Variants in CADM2 observed in about 807,000 individuals in gnomAD.
The protein encoded by CADM2 is immunoglobulin superfamily member 4D.
Under a neutral mutation model 49.8 loss-of-function variants are expected in CADM2, and 12 were observed. The observed-to-expected ratio is 0.24, with a 90% CI of 0.15 to 0.39. The LOEUF is 0.39. Ranked by LOEUF, CADM2 falls within the 10% of genes least tolerant of loss-of-function variation. CADM2 has a pLI of 1.00. For synonymous variants in CADM2, 214 were observed against 175.4 expected, an observed-to-expected ratio of 1.22 and a Z score of -1.74; for missense variants, 378 against 492.3, an observed-to-expected ratio of 0.77 and a Z score of 2.20.
At chr3:85,569,257 G>A (rs1056342723) in intron 1 of CADM2, among the ~76,000 whole-genome samples, 2 of 152,064 alleles carry the variant, frequency 1.3e-5, no homozygotes, top group African/African-American at 4.8e-5. Context: ...TGAGACGCAT[G>A]TAAATTGTTG....
intron 1 of CADM2, among the ~76,000 whole-genome samples, chr3:85,167,096 C>T (rs1390524270): frequency 2.6e-5 from 4 of 151,916 alleles, no homozygotes; most frequent in African/African-American, 9.7e-5. Flanking sequence ...ATATTTGGGA[C>T]TGTGAATTAA....
intron 1 of CADM2, among the ~76,000 whole-genome samples, chr3:85,085,596 G>A (rs1276180221): frequency 1.3e-5 from 2 of 152,002 alleles, no homozygotes; most frequent in African/African-American, 4.8e-5. Flanking sequence ...AAAAGAAGAC[G>A]TGCTACTTTG....
At chr3:85,971,421 C>G (rs562114604) in intron 8 of CADM2, among the ~76,000 whole-genome samples, 12 of 151,780 alleles carry the variant, frequency 7.9e-5, no homozygotes, top group African/African-American at 2.7e-4. Flanking sequence ...AAATTACATG[C>G]AAAATGGCTC....
At chr3:85,972,896 G>C (rs12492459) in intron 8 of CADM2, among the ~76,000 whole-genome samples, 46,659 of 151,592 alleles carry the variant, frequency 0.31, 8,381 homozygotes, top group East Asian at 0.41. Context: ...AGAATATAAA[G>C]AAAAGGACAC....
intron 1 of CADM2, among the ~76,000 whole-genome samples, chr3:85,360,734 C>T (rs13076632): frequency 0.26 from 39,506 of 152,050 alleles, 5,336 homozygotes; most frequent in South Asian, 0.34. Context: ...CTTATTGCCA[C>T]TGCCCTGGTC....
At chr3:85,446,748 A>G (rs1255897962) in intron 1 of CADM2, among the ~76,000 whole-genome samples, 1 of 149,748 alleles carries the variant, frequency 6.7e-6, no homozygotes, top group Non-Finnish European at 1.5e-5. Context: ...GATTATAGGC[A>G]TGGGCCACCA....
Position 85,320,034 on chromosome 3 carries a change from A to G in CADM2, c.61+360366A>G, listed in dbSNP as rs577499536. On this transcript the variant is annotated intron_variant, in intron 1 of 9. Transcript: ENST00000383699. ...GGTGAAAATTAATCCGTAGAAAATTACCTCATGTTTATATAACTAAAATGA... is the reference window on the plus strand; with the variant it reads ...GGTGAAAATTAATCCGTAGAAAATTGCCTCATGTTTATATAACTAAAATGA... Among the ~76,000 whole-genome samples the G allele has an allele frequency of 1.1e-4, 16 of 152,298 alleles. No homozygotes were observed. The South Asian group carries it at 3.3e-3, about 32-fold the overall frequency.
At chr3:86,013,355 A>G in intron 8 of CADM2, 1 of 1,540,884 alleles carries the variant, frequency 6.5e-7, no homozygotes, top group Non-Finnish European at 8.9e-7. Flanking sequence ...TATTTGAATT[A>G]TTGATTCTGA....
At position 86,067,677 on chromosome 3, in the gene CADM2, T is replaced by C. The variant is rs551544809; in HGVS notation, c.*894T>C. The C allele has an allele frequency of 6.6e-6, 1 of 152,594 alleles. No homozygotes were observed. Among genetic ancestry groups the C allele is most frequent in the Admixed American group, 6.6e-5 (1 of 15,258 alleles). 9.5% of individuals were successfully genotyped at this position (152,594 alleles called of 1,614,324 possible). On this transcript the variant is annotated 3_prime_UTR_variant, in exon 10 of 10. Transcript: ENST00000383699. ...ATCTGTATATAGTGCATATAATAAA[T>C]CCAATTAAACATTATTTGATACATA...
chr3:85,163,753 T>A (rs2040393569), intron 1 of CADM2, among the ~76,000 whole-genome samples: 1 of 152,094 alleles, frequency 6.6e-6, no homozygotes, highest in Non-Finnish European at 1.5e-5. Context: ...GAAGTCATAT[T>A]AAAAAACCTT....
chr3:85,686,924 T>G (rs943498593), intron 1 of CADM2, among the ~76,000 whole-genome samples: 4 of 152,196 alleles, frequency 2.6e-5, no homozygotes, highest in Non-Finnish European at 4.4e-5. Flanking sequence ...TGTTGATTGA[T>G]GTCTAATGAC....
intron 1 of CADM2, among the ~76,000 whole-genome samples, chr3:85,460,713 T>G (rs1359144609): frequency 6.7e-6 from 1 of 149,012 alleles, no homozygotes; most frequent in African/African-American, 2.4e-5. Context: ...TATTTTCGTG[T>G]GTGGGTGGGT....
chr3:85,793,988 C>T (rs1334320494), intron 2 of CADM2, among the ~76,000 whole-genome samples: 1 of 152,022 alleles, frequency 6.6e-6, no homozygotes, highest in Non-Finnish European at 1.5e-5. Flanking sequence ...TAATTATATG[C>T]CTATTTTTCC....
At chr3:85,855,426 A>G (rs1385640588) in intron 3 of CADM2, among the ~76,000 whole-genome samples, 2 of 151,890 alleles carry the variant, frequency 1.3e-5, no homozygotes, top group African/African-American at 2.4e-5. Context: ...AAATTCCAGC[A>G]GGTTCTAATC....
chr3:85,740,137 T>C (rs2068320122), intron 2 of CADM2, among the ~76,000 whole-genome samples: 1 of 152,196 alleles, frequency 6.6e-6, no homozygotes, highest in South Asian at 2.1e-4. Context: ...TGGAATCCAG[T>C]TGGCATGCAT....
chr3:85,476,938 T>C (rs986094545), intron 1 of CADM2, among the ~76,000 whole-genome samples: 2 of 142,714 alleles, frequency 1.4e-5, no homozygotes, highest in Admixed American at 1.4e-4. Flanking sequence ...AGATCTATTT[T>C]CTGGGCAGTC....
intron 1 of CADM2, among the ~76,000 whole-genome samples, chr3:85,162,489 G>A (rs1190672075): frequency 6.6e-6 from 1 of 151,800 alleles, no homozygotes; most frequent in African/African-American, 2.4e-5. Context: ...AATTCTGGAA[G>A]CAATGGACAC....
At chr3:85,438,294 G>A (rs1404939866) in intron 1 of CADM2, among the ~76,000 whole-genome samples, 1 of 151,330 alleles carries the variant, frequency 6.6e-6, no homozygotes, top group Non-Finnish European at 1.5e-5. Flanking sequence ...AGATAATACT[G>A]CAAAGAAAAT....
chr3:85,509,164 A>T (rs1426193120), intron 1 of CADM2, among the ~76,000 whole-genome samples: 1 of 152,162 alleles, frequency 6.6e-6, no homozygotes, highest in Non-Finnish European at 1.5e-5. Context: ...AAAACATGAG[A>T]GCTGAACTAA....
Sources: allele counts gnomAD v4.1 joint callset (sites outside exome capture counted in the v4.1 genomes callset), GRCh38; gene constraint gnomAD v4.1.1; transcripts MANE v1.5; gene names NCBI Gene and HGNC (gene_info 2026-07-23, HGNC 2026-07-21).